Variants in IL34 observed in about 807,000 individuals in gnomAD.
IL34 encodes the protein interleukin-34.
Under a neutral mutation model 25.3 loss-of-function variants are expected in IL34, and 17 were observed. The observed-to-expected ratio is 0.67, with a 90% CI of 0.46 to 1.01. The LOEUF is 1.01. Ranked by LOEUF, IL34 falls within the 50% of genes least tolerant of loss-of-function variation. The pLI is 0.00. For synonymous variants in IL34, 174 were observed against 140.9 expected, an observed-to-expected ratio of 1.23 and a Z score of -1.66; for missense variants, 368 against 312.9, an observed-to-expected ratio of 1.18 and a Z score of -1.33.
In IL34 at chr16:70,603,573, C is replaced by T. The variant is rs550947863; in HGVS notation, c.-401+23524C>T. On this transcript the variant is annotated intron_variant, in intron 1 of 6. Coordinates refer to the IL34 transcript ENST00000429149. ...GGTTACAGGTGTGAGTCACCGTGCCCGGCCTATTTATTTTTTAGTGTCAGG... is the reference window on the plus strand; with the variant it reads ...GGTTACAGGTGTGAGTCACCGTGCCTGGCCTATTTATTTTTTAGTGTCAGG... Among the ~76,000 whole-genome samples, 159 of 152,110 alleles carry T rather than the reference C, an allele frequency of 1.0e-3. 1 individual carries two copies. The highest frequency in any genetic ancestry group is 1.8e-3 in the Non-Finnish European group (123 of 68,004).
At chr16:70,610,788 G>A (rs1033843596) in intron 1 of IL34, among the ~76,000 whole-genome samples, 5 of 152,178 alleles carry the variant, frequency 3.3e-5, no homozygotes, top group East Asian at 3.9e-4. Flanking sequence ...CCGTCGGTGC[G>A]GGACAGTGGG....
intron 1 of IL34, among the ~76,000 whole-genome samples, chr16:70,633,764 C>T (rs1324017784): frequency 6.6e-6 from 1 of 152,130 alleles, no homozygotes; most frequent in Admixed American, 6.6e-5. Context: ...CTGTCTCTTC[C>T]CAGGTTCTGG....
intron 1 of IL34, among the ~76,000 whole-genome samples, chr16:70,626,172 A>G (rs1247428799): frequency 6.6e-6 from 1 of 152,136 alleles, no homozygotes; most frequent in African/African-American, 2.4e-5. Flanking sequence ...TTTTATTTCT[A>G]TGAGCTGTTT....
chr16:70,615,253 A>T (rs1282399988), intron 1 of IL34, among the ~76,000 whole-genome samples: 1 of 152,174 alleles, frequency 6.6e-6, no homozygotes. Flanking sequence ...TCACGCCTGT[A>T]ATCCCAGCAC....
intron 1 of IL34, among the ~76,000 whole-genome samples, chr16:70,596,407 C>G (rs957487973): frequency 2.0e-5 from 3 of 152,156 alleles, no homozygotes; most frequent in Non-Finnish European, 4.4e-5. Flanking sequence ...CAAAGAGGAC[C>G]GTGGTCATGA....
intron 1 of IL34, among the ~76,000 whole-genome samples, chr16:70,632,995 G>A (rs887923022): frequency 3.3e-5 from 5 of 151,590 alleles, no homozygotes; most frequent in Admixed American, 6.6e-5. Context: ...TTGAAACAGC[G>A]TCTCTGTCAC....
At chr16:70,654,228 T>G in intron 1 of IL34, 1 of 250,732 alleles carries the variant, frequency 4.0e-6, no homozygotes. Context: ...GGCGGGAGGT[T>G]GTGCCTGCCC....
At position 70,637,827 on chromosome 16, in the gene IL34, G is replaced by C. The variant is rs534183393; in HGVS notation, c.-400-8721G>C. On this transcript the variant is annotated intron_variant, in intron 1 of 6. Transcript: ENST00000429149. Reference sequence around the variant, plus strand: ...CTCATAGTTGCTGCAAGGATAAAAAGGTATAATTATTTTGCTATGCTCTAT... The same window carrying C: ...CTCATAGTTGCTGCAAGGATAAAAACGTATAATTATTTTGCTATGCTCTAT... 2.6e-5 allele frequency among the ~76,000 whole-genome samples: 4 copies of C among 152,200 alleles called. No homozygotes were observed. The East Asian group carries it at 7.7e-4, about 29-fold the overall frequency.
At chr16:70,621,056 T>C (rs2051270849) in intron 1 of IL34, among the ~76,000 whole-genome samples, 1 of 151,330 alleles carries the variant, frequency 6.6e-6, no homozygotes. Flanking sequence ...AGAGTTTGGG[T>C]GTGGAAATAA....
At chr16:70,644,947 G>A (rs1446200377), upstream of IL34, among the ~76,000 whole-genome samples, 6 of 93,528 alleles carry the variant, frequency 6.4e-5, no homozygotes, top group South Asian at 3.5e-4. Flanking sequence ...GAGGAGGAAG[G>A]AGGAAGAGGA....
intron 1 of IL34, among the ~76,000 whole-genome samples, chr16:70,633,637 A>T (rs12596475): frequency 0.34 from 51,498 of 151,850 alleles, 8,902 homozygotes; most frequent in South Asian, 0.47. Flanking sequence ...AAGTACCATA[A>T]TTGGTGGCTT....
chr16:70,614,851 A>G (rs557054376), intron 1 of IL34, among the ~76,000 whole-genome samples: 3 of 152,216 alleles, frequency 2.0e-5, no homozygotes, highest in Admixed American at 6.5e-5. Context: ...GCTGGGGTAG[A>G]TCTTGTAGGT....
At chr16:70,622,738 G>A (rs1567449087) in intron 1 of IL34, among the ~76,000 whole-genome samples, 1 of 152,114 alleles carries the variant, frequency 6.6e-6, no homozygotes. Context: ...GAGTACAGCT[G>A]AAGGAGCCGG....
intron 1 of IL34, among the ~76,000 whole-genome samples, chr16:70,636,785 C>CAAAAG (rs768250586): frequency 6.6e-6 from 1 of 151,762 alleles, no homozygotes; most frequent in South Asian, 2.1e-4. Context: ...CAAAACAAAA[C>CAAAAG]AAAACAAAAA....
chr16:70,648,670 TGAGGGA>T (rs377621273), intron 1 of IL34, among the ~76,000 whole-genome samples: 1 of 142,738 alleles, frequency 7.0e-6, no homozygotes, highest in African/African-American at 2.7e-5. Context: ...GGCTGGGGGA[TGAGGGA>T]GAGGGAGAGC....
At chr16:70,647,955 A>G (rs1028749884) in intron 1 of IL34, among the ~76,000 whole-genome samples, 2 of 152,122 alleles carry the variant, frequency 1.3e-5, no homozygotes, top group African/African-American at 4.8e-5. Flanking sequence ...ACACAGGTAG[A>G]CCTGGGGTCA....
At chr16:70,583,392 G>A (rs1415946099) in intron 1 of IL34, among the ~76,000 whole-genome samples, 1 of 152,006 alleles carries the variant, frequency 6.6e-6, no homozygotes, top group African/African-American at 2.4e-5. Context: ...ATGAGCCACC[G>A]CACCTGGCAA....
intron 1 of IL34, among the ~76,000 whole-genome samples, chr16:70,616,993 T>G (rs560770783): frequency 6.6e-6 from 1 of 151,788 alleles, no homozygotes; most frequent in African/African-American, 2.4e-5. Flanking sequence ...TGGGGGGTGG[T>G]ATGGAGAGAG....
upstream of IL34, among the ~76,000 whole-genome samples, chr16:70,642,877 T>G (rs534106764): frequency 7.2e-6 from 1 of 139,772 alleles, no homozygotes; most frequent in East Asian, 2.0e-4. Context: ...GGCAAATCCA[T>G]AGAGACAGAA....
Sources: gnomAD v4.1 joint callset for allele counts (sites outside exome capture counted in the v4.1 genomes callset) on GRCh38, gnomAD v4.1.1 for gene constraint, MANE v1.5 for transcripts, NCBI Gene and HGNC (gene_info 2026-07-23, HGNC 2026-07-21) for gene names.